Variants in RYR2 observed in about 807,000 individuals in gnomAD.
RYR2 encodes ryanodine receptor 2.
A neutral mutation model predicts 601.1 loss-of-function variants in RYR2; 227 were observed. The observed-to-expected ratio is 0.38, with a 90% confidence interval of 0.34 to 0.42. RYR2 has a LOEUF of 0.42. Ranked by LOEUF, RYR2 falls within the 10% of genes least tolerant of loss-of-function variation. RYR2 has a pLI of 1.00. For synonymous variants in RYR2, 2,223 were observed against 2,175.1 expected (o/e 1.02, Z -0.61); for missense variants, 4,646 against 6,156.5 (o/e 0.75, Z 8.21).
intron 1 of RYR2, among the ~76,000 whole-genome samples, chr1:237,115,904 T>C (rs1458320274): frequency 6.6e-6 from 1 of 152,206 alleles, no homozygotes; most frequent in Non-Finnish European, 1.5e-5. Context: ...AGTGGATTGT[T>C]TAATTCCTTA....
intron 3 of RYR2, among the ~76,000 whole-genome samples, chr1:237,336,941 T>C (rs1239982816): frequency 6.7e-6 from 1 of 148,880 alleles, no homozygotes; most frequent in Non-Finnish European, 1.5e-5. Context: ...TTAAGACATG[T>C]ACTCTAAGAA....
rs116667480 is a variant in RYR2 at position 237,781,311 on chromosome 1, A to G, written c.11881-254A>G. ...GTGATCTGTGCGCCTCGGCCTCCCA[A>G]AGAAGTGCTAGGATTACAGGCATGA... is the stretch of plus-strand genomic sequence containing the variant. On this transcript the variant is annotated intron_variant, in intron 88 of 104. Coordinates refer to ENST00000366574, the MANE Select transcript of RYR2 (RefSeq NM_001035.3). 0.042 allele frequency among the ~76,000 whole-genome samples: 6,321 copies of G among 152,248 alleles called. 412 individuals carry two copies. Among genetic ancestry groups the G allele is most frequent in the African/African-American group, 0.14 (5,928 of 41,522 alleles).
intron 1 of RYR2, among the ~76,000 whole-genome samples, chr1:237,119,387 G>T (rs76698071): frequency 6.6e-6 from 1 of 152,156 alleles, no homozygotes; most frequent in Non-Finnish European, 1.5e-5. Context: ...AGAGCAAACT[G>T]CTACAGTAAT....
chr1:237,044,738 A>G (rs1660344423), intron 1 of RYR2, among the ~76,000 whole-genome samples: 1 of 151,058 alleles, frequency 6.6e-6, no homozygotes, highest in African/African-American at 2.4e-5. Context: ...CAAATCCTTT[A>G]CCGGCTTCTC....
chr1:237,275,180 T>C (rs189511016), intron 2 of RYR2, among the ~76,000 whole-genome samples: 113 of 152,056 alleles, frequency 7.4e-4, no homozygotes, highest in Non-Finnish European at 1.2e-3. Context: ...AATGAAATTA[T>C]ATATTTATAG....
At chr1:237,548,355 G>A in intron 25 of RYR2, 76 bp from the exon 26 acceptor site, 4 of 1,478,362 alleles carry the variant, frequency 2.7e-6, no homozygotes, top group Non-Finnish European at 3.7e-6. Context: ...AATGAGGTAG[G>A]GCCAGAAAAT....
chr1:237,571,891 A>C (rs1672740761), intron 29 of RYR2, among the ~76,000 whole-genome samples: 1 of 152,140 alleles, frequency 6.6e-6, no homozygotes, highest in Admixed American at 6.5e-5. Flanking sequence ...AATGGGTAGT[A>C]ATTGCATCAT....
intron 1 of RYR2, among the ~76,000 whole-genome samples, chr1:237,225,138 A>G (rs1314284376): frequency 6.6e-6 from 1 of 152,190 alleles, no homozygotes; most frequent in Non-Finnish European, 1.5e-5. Flanking sequence ...TGAGTAGGCC[A>G]GGTGAACAAC....
chr1:237,692,199 A>T (rs1687001357), intron 63 of RYR2, among the ~76,000 whole-genome samples: 1 of 152,222 alleles, frequency 6.6e-6, no homozygotes, highest in African/African-American at 2.4e-5. Context: ...TTATGCATTC[A>T]TTCAATAAAC....
At chr1:237,355,258 A>T (rs561858091) in intron 3 of RYR2, among the ~76,000 whole-genome samples, 1 of 152,070 alleles carries the variant, frequency 6.6e-6, no homozygotes, top group Admixed American at 6.6e-5. Context: ...CAATGTTGAA[A>T]TTTTTTATTC....
At position 237,735,298 on chromosome 1, in the gene RYR2, T is replaced by A. The variant is rs550000444; in HGVS notation, c.11091+1542T>A. On this transcript the variant is annotated intron_variant, in intron 79 of 104. Transcript: ENST00000366574. ...AGAAATAGTATAGTTGTTTCTTCAT[T>A]GCAAAGATTGAGAGGGAACAGAAAG... Among the ~76,000 whole-genome samples, 6 of 152,294 alleles carry A rather than the reference T, an allele frequency of 3.9e-5. No individual in the cohort carries two copies. The East Asian group carries it at 9.7e-4, about 25-fold the overall frequency.
intron 12 of RYR2, among the ~76,000 whole-genome samples, chr1:237,439,529 A>G (rs10925417): frequency 0.62 from 93,370 of 151,504 alleles, 29,600 homozygotes; most frequent in East Asian, 0.71. Context: ...CTGTCGTCCC[A>G]GCTACTCGGG....
chr1:237,089,847 A>T (rs1193665583), intron 1 of RYR2, among the ~76,000 whole-genome samples: 1 of 152,194 alleles, frequency 6.6e-6, no homozygotes, highest in African/African-American at 2.4e-5. Flanking sequence ...TGCAGAGATG[A>T]GTTTATAAGG....
chr1:237,292,442 A>T (rs1572498696), intron 2 of RYR2, among the ~76,000 whole-genome samples: 1 of 152,210 alleles, frequency 6.6e-6, no homozygotes. Flanking sequence ...AGTGGCTCCT[A>T]CTTCAGAACA....
intron 49 of RYR2, among the ~76,000 whole-genome samples, 184 bp from the exon 50 acceptor site, chr1:237,649,693 G>C (rs1037809706): frequency 1.3e-5 from 2 of 152,152 alleles, no homozygotes; most frequent in African/African-American, 4.8e-5. Flanking sequence ...ATGGATAGTT[G>C]ATTGTTTTTA....
chr1:237,380,396 A>G (rs1701391641), intron 8 of RYR2, among the ~76,000 whole-genome samples: 1 of 35,676 alleles, frequency 2.8e-5, no homozygotes, highest in Non-Finnish European at 5.6e-5. Flanking sequence ...ATATATATAT[A>G]TATATATATA....
intron 1 of RYR2, among the ~76,000 whole-genome samples, chr1:237,111,144 T>C (rs2148587378): frequency 6.6e-6 from 1 of 152,362 alleles, no homozygotes; most frequent in East Asian, 1.9e-4. Context: ...CACTGCTGTA[T>C]CGAGCTGCTC....
chr1:237,371,372 G>C (rs78594165), intron 6 of RYR2, among the ~76,000 whole-genome samples: 2,426 of 151,406 alleles, frequency 0.016, 58 homozygotes, highest in African/African-American at 0.055. Flanking sequence ...TCCTAAGCTG[G>C]TCTTGAGCTC....
At chr1:237,707,452 A>G (rs1688476169) in intron 68 of RYR2, among the ~76,000 whole-genome samples, 183 bp downstream of exon 68, 1 of 152,226 alleles carries the variant, frequency 6.6e-6, no homozygotes, top group African/African-American at 2.4e-5. Flanking sequence ...TATGTTAAAT[A>G]GTTACTACTT....
Sources: gnomAD v4.1 joint callset for allele counts (sites outside exome capture counted in the v4.1 genomes callset) on GRCh38, gnomAD v4.1.1 for gene constraint, MANE v1.5 for transcripts, NCBI Gene and HGNC (gene_info 2026-07-23, HGNC 2026-07-21) for gene names.